The following RIMS3 variants were observed in gnomAD, a reference collection of about 807,000 sequenced individuals.
The protein encoded by RIMS3 is regulating synaptic membrane exocytosis 3, also known as regulating synaptic membrane exocytosis protein 3.
In RIMS3, 15 loss-of-function variants were observed where a neutral mutation model predicts 29.2. The observed-to-expected ratio is 0.51, with a 90% CI of 0.34 to 0.79. The LOEUF (loss-of-function observed/expected upper bound fraction) is 0.79. Among genes scored for constraint, RIMS3 ranks in the 30% least tolerant of loss-of-function variants. The pLI, the probability that RIMS3 is intolerant of heterozygous loss-of-function variation, is 0.01. For missense variants in RIMS3, 342 were observed against 421.4 expected (o/e 0.81, Z 1.65); for synonymous variants, 161 against 170.1 (o/e 0.95, Z 0.41).
At chr1:40,668,077 C>G (rs1486048129), upstream of RIMS3, among the ~76,000 whole-genome samples, 4 of 152,000 alleles carry the variant, frequency 2.6e-5, no homozygotes, top group South Asian at 6.2e-4. Flanking sequence ...ATGGTGAAAC[C>G]CTGTCTCAAC....
intron 7 of RIMS3, among the ~76,000 whole-genome samples, 160 bp downstream of exon 7, chr1:40,628,650 G>A (rs1437503324): frequency 6.6e-6 from 1 of 152,168 alleles, no homozygotes; most frequent in Admixed American, 6.5e-5. Flanking sequence ...TGAATCAACT[G>A]GGGACAGTAA....
At chr1:40,658,641 C>T (rs1366505270) in intron 1 of RIMS3, among the ~76,000 whole-genome samples, 1 of 152,218 alleles carries the variant, frequency 6.6e-6, no homozygotes, top group Non-Finnish European at 1.5e-5. Context: ...GCCCCAAGTT[C>T]TCTCTCTCCA....
chr1:40,645,096 T>C (rs1016804229), intron 2 of RIMS3, among the ~76,000 whole-genome samples: 2 of 152,208 alleles, frequency 1.3e-5, no homozygotes. Context: ...CCCTGTGACG[T>C]GTGCAGAGTC....
At chr1:40,662,624 A>G (rs2148363481) in intron 1 of RIMS3, among the ~76,000 whole-genome samples, 1 of 151,892 alleles carries the variant, frequency 6.6e-6, no homozygotes, top group Middle Eastern at 3.4e-3. Flanking sequence ...CTCCTCCCGG[A>G]CCCTCCTTTT....
chr1:40,679,696 G>A, the RIMS3 span, among the ~76,000 whole-genome samples: 1 of 152,132 alleles, frequency 6.6e-6, no homozygotes, highest in Non-Finnish European at 1.5e-5. Context: ...TGATGGGTCA[G>A]AGTGGTCATG....
chr1:40,677,960 G>A, the RIMS3 span, among the ~76,000 whole-genome samples: 1 of 152,184 alleles, frequency 6.6e-6, no homozygotes, highest in Admixed American at 6.5e-5. Context: ...AGTAAGCTAG[G>A]TTGGATGTAA....
the RIMS3 span, among the ~76,000 whole-genome samples, chr1:40,687,997 C>T: frequency 1.3e-5 from 2 of 152,172 alleles, no homozygotes; most frequent in African/African-American, 2.4e-5. Context: ...CAGAGTCTCG[C>T]TCTGTCACCT....
At chr1:40,668,975 C>T (rs1642460192), upstream of RIMS3, 2 of 152,202 alleles carry the variant, frequency 1.3e-5, no homozygotes, top group South Asian at 4.1e-4. Context: ...GCCGGGAAGT[C>T]CCGGAAACCC....
At position 40,626,346 on chromosome 1, in the gene RIMS3, G is replaced by GCA; in HGVS notation, c.*169_*170dup. ...CACGTACACACACACACACACGCAC[G>GCA]CACACACGCACACACTACAGTCTCC... is the stretch of plus-strand genomic sequence containing the variant. On this transcript the variant is annotated 3_prime_UTR_variant, in exon 8 of 8. Coordinates refer to ENST00000372684, the MANE Select transcript of RIMS3 (RefSeq NM_014747.3). 2 of 669,420 alleles carry GCA rather than the reference G, an allele frequency of 3.0e-6. No homozygotes were observed. Among genetic ancestry groups the GCA allele is most frequent in the South Asian group, 3.3e-5 (2 of 59,738 alleles). 41.5% of individuals were successfully genotyped at this position (669,420 alleles called of 1,614,324 possible).
chr1:40,623,722 C>A lies in RIMS3; in HGVS notation c.*2795G>T. ...CCCCAGCAAACAACCAGGAGTTACA[C>A]TTGTGCATTCTCCTCTTCTGGGACA... On this transcript the variant is annotated 3_prime_UTR_variant, in exon 8 of 8. Coordinates refer to ENST00000372684, the MANE Select transcript of RIMS3 (RefSeq NM_014747.3). 1 of 391,118 alleles carries A rather than the reference C, an allele frequency of 2.6e-6. No individual in the cohort carries two copies. Among genetic ancestry groups the A allele is most frequent in the Non-Finnish European group, 4.5e-6 (1 of 222,778 alleles). 24.2% of individuals were successfully genotyped at this position (391,118 alleles called of 1,614,324 possible).
chr1:40,665,701 G>T (rs1005929582), upstream of RIMS3: 2 of 152,850 alleles, frequency 1.3e-5, no homozygotes, highest in African/African-American at 4.8e-5. Flanking sequence ...GGGCCGGCGG[G>T]AGGCGAAGGG....
chr1:40,633,323 G>A, intron 4 of RIMS3, 142 bp from the exon 5 acceptor site: 1 of 617,764 alleles, frequency 1.6e-6, no homozygotes, highest in East Asian at 2.7e-5. Context: ...CAGTATGATT[G>A]CACTACTCTG....
the RIMS3 span, among the ~76,000 whole-genome samples, chr1:40,672,122 T>C: frequency 7.3e-5 from 11 of 151,600 alleles, no homozygotes; most frequent in Non-Finnish European, 5.9e-5. Context: ...AACAGACTAA[T>C]ACAGTTGGCA....
chr1:40,674,477 T>C, the RIMS3 span, among the ~76,000 whole-genome samples: 1 of 152,190 alleles, frequency 6.6e-6, no homozygotes, highest in Non-Finnish European at 1.5e-5. Context: ...TTAGCTGCTG[T>C]CCTCTGACCA....
At chr1:40,648,504 T>C (rs1331365252) in intron 1 of RIMS3, among the ~76,000 whole-genome samples, 1 of 152,254 alleles carries the variant, frequency 6.6e-6, no homozygotes, top group Non-Finnish European at 1.5e-5. Flanking sequence ...CTGAGCCTAA[T>C]GCTCCTCATC....
intron 1 of RIMS3, 135 bp downstream of exon 1, chr1:40,665,255 TCCCC>T (rs923252989): frequency 1.5e-5 from 2 of 134,448 alleles, no homozygotes; most frequent in Non-Finnish European, 3.2e-5. Flanking sequence ...CCTGTGTTCA[TCCCC>T]CCACCCCCGC....
At chr1:40,666,625 C>T (rs1307304411), upstream of RIMS3, among the ~76,000 whole-genome samples, 1 of 152,208 alleles carries the variant, frequency 6.6e-6, no homozygotes, top group Non-Finnish European at 1.5e-5. Flanking sequence ...CAGTTCCACT[C>T]TTGGGCTCCA....
intron 1 of RIMS3, among the ~76,000 whole-genome samples, chr1:40,657,933 T>A (rs1352821662): frequency 1.3e-5 from 2 of 151,778 alleles, no homozygotes; most frequent in Non-Finnish European, 2.9e-5. Context: ...TTATATGTTT[T>A]AAAAAAATAA....
intron 2 of RIMS3, among the ~76,000 whole-genome samples, chr1:40,646,660 C>A (rs1355087871): frequency 6.6e-6 from 1 of 152,192 alleles, no homozygotes; most frequent in Non-Finnish European, 1.5e-5. Flanking sequence ...ACTGCCCCCA[C>A]TCCTGCCAAA....
Sources: allele counts gnomAD v4.1 joint callset (sites outside exome capture counted in the v4.1 genomes callset), GRCh38; gene constraint gnomAD v4.1.1; transcripts MANE v1.5; gene names NCBI Gene and HGNC (gene_info 2026-07-23, HGNC 2026-07-21).